BABAM2: variants seen among roughly 807,000 people sequenced by gnomAD.
BABAM2 encodes the protein BRISC and BRCA1 A complex member 2, also known as BRISC and BRCA1-A complex member 2.
A neutral mutation model predicts 54.7 loss-of-function variants in BABAM2; 31 were observed. That is an observed-to-expected ratio of 0.57 (90% CI 0.43 to 0.77). The LOEUF is 0.77. Ranked by LOEUF, BABAM2 falls within the 30% of genes least tolerant of loss-of-function variation. The probability of loss-of-function intolerance (pLI) is 0.00; values close to 1 mark genes in which losing one functional copy is unlikely to be tolerated. For synonymous variants in BABAM2, 167 were observed against 162.9 expected, an observed-to-expected ratio of 1.03 and a Z score of -0.19; for missense variants, 364 against 455.8, an observed-to-expected ratio of 0.80 and a Z score of 1.83.
chr2:28,034,130 G>A (rs566010711), intron 5 of BABAM2, among the ~76,000 whole-genome samples: 84 of 152,276 alleles, frequency 5.5e-4, no homozygotes, highest in African/African-American at 1.7e-3. Context: ...TCATGTCATC[G>A]TGCTGCAATA....
chr2:27,896,845 G>T, intron 2 of BABAM2: 1 of 213,926 alleles, frequency 4.7e-6, no homozygotes, highest in South Asian at 6.0e-5. Flanking sequence ...GTCCGCCATT[G>T]CTTCCCAGGT....
intron 3 of BABAM2, 26 bp from the exon 4 acceptor site, chr2:27,987,967 G>A: frequency 6.5e-7 from 1 of 1,548,776 alleles, no homozygotes; most frequent in Non-Finnish European, 8.9e-7. Context: ...GAAATAAAAA[G>A]GACCTGTCAT....
rs1377001361 is a variant in BABAM2 at position 28,026,937 on chromosome 2, TA to T, written c.495+1520del. On this transcript the variant is annotated intron_variant, in intron 5 of 11. Coordinates refer to ENST00000379624, the MANE Select transcript of BABAM2 (RefSeq NM_199191.3). ...ATATTAATATATATAAATATATATA[TA>T]AATATATATTAATATATATAAATAT... Among the ~76,000 whole-genome samples, 17 of 10,336 alleles carry T rather than the reference TA, an allele frequency of 1.6e-3. 2 individuals carry two copies. The South Asian group carries it at 0.031, about 19-fold the overall frequency. 6.8% of individuals were successfully genotyped at this position (10,336 alleles called of 152,430 possible).
chr2:28,239,813 G>A (rs569785361), intron 8 of BABAM2, among the ~76,000 whole-genome samples: 1 of 152,334 alleles, frequency 6.6e-6, no homozygotes, highest in South Asian at 2.1e-4. Context: ...ACCATTAGGT[G>A]AAAGGTTGAT....
intron 6 of BABAM2, among the ~76,000 whole-genome samples, chr2:28,096,628 T>G (rs556836617): frequency 7.9e-5 from 12 of 152,276 alleles, no homozygotes; most frequent in Admixed American, 7.9e-4. Flanking sequence ...TTCAGTAGTA[T>G]AGAACATTCC....
intron 7 of BABAM2, among the ~76,000 whole-genome samples, chr2:28,228,372 G>A (rs979780146): frequency 6.6e-6 from 1 of 152,184 alleles, no homozygotes; most frequent in Non-Finnish European, 1.5e-5. Context: ...ATTAAAACAT[G>A]TGTGCAGTGA....
At chr2:28,052,063 A>G (rs1427589571) in intron 6 of BABAM2, among the ~76,000 whole-genome samples, 2 of 152,230 alleles carry the variant, frequency 1.3e-5, no homozygotes, top group African/African-American at 4.8e-5. Context: ...TGGTGAGAGT[A>G]GAGAGAACAC....
At chr2:28,166,971 A>G (rs1415940014) in intron 7 of BABAM2, among the ~76,000 whole-genome samples, 1 of 152,190 alleles carries the variant, frequency 6.6e-6, no homozygotes, top group Non-Finnish European at 1.5e-5. Flanking sequence ...GGACTTGGAA[A>G]TAGATTGAGA....
At chr2:27,988,542 A>G (rs1672562615) in intron 4 of BABAM2, among the ~76,000 whole-genome samples, 1 of 152,200 alleles carries the variant, frequency 6.6e-6, no homozygotes, top group South Asian at 2.1e-4. Flanking sequence ...TCAGTATCTC[A>G]GTATTGTTAT....
At chr2:28,075,259 G>A (rs1664547628) in intron 6 of BABAM2, among the ~76,000 whole-genome samples, 2 of 152,152 alleles carry the variant, frequency 1.3e-5, no homozygotes, top group South Asian at 4.1e-4. Flanking sequence ...GTCTGGATTG[G>A]ACTGCACCTC....
At chr2:28,226,408 A>G (rs1680891313) in intron 7 of BABAM2, among the ~76,000 whole-genome samples, 2 of 152,148 alleles carry the variant, frequency 1.3e-5, no homozygotes, top group African/African-American at 4.8e-5. Flanking sequence ...TTGGACTTTA[A>G]TACTACAAAT....
chr2:28,310,473 G>A, intron 11 of BABAM2: 1 of 252,408 alleles, frequency 4.0e-6, no homozygotes, highest in Non-Finnish European at 7.7e-6. Flanking sequence ...TTTAAAGACT[G>A]CACCCCCTGT....
intron 6 of BABAM2, among the ~76,000 whole-genome samples, chr2:28,062,229 G>T (rs544146987): frequency 6.8e-6 from 1 of 147,488 alleles, no homozygotes; most frequent in African/African-American, 2.5e-5. Context: ...CTGCATGCCA[G>T]CCTGGGTGAC....
intron 6 of BABAM2, among the ~76,000 whole-genome samples, chr2:28,116,612 G>A (rs1305855512): frequency 6.6e-6 from 1 of 152,152 alleles, no homozygotes; most frequent in African/African-American, 2.4e-5. Context: ...GGGAAGAATC[G>A]CTAAACTCCA....
intron 5 of BABAM2, among the ~76,000 whole-genome samples, chr2:28,027,603 T>C (rs1675966626): frequency 1.3e-5 from 2 of 152,212 alleles, no homozygotes; most frequent in Admixed American, 6.5e-5. Context: ...TAGCCTATGT[T>C]TGAGGTTCAT....
intron 6 of BABAM2, among the ~76,000 whole-genome samples, chr2:28,128,926 G>A (rs1354940063): frequency 1.3e-5 from 2 of 152,186 alleles, no homozygotes; most frequent in Admixed American, 6.5e-5. Context: ...GTTGTAGGAT[G>A]TAAATTATGT....
intron 4 of BABAM2, 81 bp downstream of exon 4, chr2:27,988,168 T>C (rs1481476355): frequency 5.2e-6 from 7 of 1,336,908 alleles, no homozygotes; most frequent in African/African-American, 2.9e-5. Context: ...GCTTAACAGA[T>C]AGATTTGTCA....
At chr2:28,334,497 G>A (rs1691247747) in intron 11 of BABAM2, among the ~76,000 whole-genome samples, 4 of 152,266 alleles carry the variant, frequency 2.6e-5, no homozygotes. Flanking sequence ...CAGGGAAGGT[G>A]ACGTCCTCAC....
intron 11 of BABAM2, among the ~76,000 whole-genome samples, chr2:28,328,521 A>G (rs1382287267): frequency 6.6e-6 from 1 of 152,174 alleles, no homozygotes; most frequent in African/African-American, 2.4e-5. Context: ...GCCTGACTCT[A>G]GCAAACATCA....
Sources: allele counts gnomAD v4.1 joint callset (sites outside exome capture counted in the v4.1 genomes callset), GRCh38; gene constraint gnomAD v4.1.1; transcripts MANE v1.5; gene names NCBI Gene and HGNC (gene_info 2026-07-23, HGNC 2026-07-21).